The following CAMTA1 variants were observed in gnomAD, a reference collection of about 807,000 sequenced individuals.
CAMTA1 encodes calmodulin binding transcription activator 1, also known as calmodulin-binding transcription activator 1.
CAMTA1 carries 27 observed loss-of-function variants against 170.9 expected under a neutral mutation model. The observed-to-expected ratio is 0.16, with a 90% CI of 0.12 to 0.22. CAMTA1 has a LOEUF of 0.22. Among genes scored for constraint, CAMTA1 ranks in the 10% least tolerant of loss-of-function variants. CAMTA1 has a pLI of 1.00. For synonymous variants in CAMTA1, 833 were observed against 891.5 expected (o/e 0.93, Z 1.17); for missense variants, 1,619 against 2,217.2 (o/e 0.73, Z 5.42).
chr1:7,381,138 T>C (rs1258799992), intron 5 of CAMTA1, among the ~76,000 whole-genome samples: 7 of 145,512 alleles, frequency 4.8e-5, no homozygotes, highest in African/African-American at 1.4e-4. Context: ...TGATTTTTCT[T>C]TTTTTTATTT....
chr1:7,518,352 C>T (rs530311140), intron 6 of CAMTA1, among the ~76,000 whole-genome samples: 49 of 152,020 alleles, frequency 3.2e-4, no homozygotes, highest in Non-Finnish European at 5.9e-4. Context: ...TTCCCTCCAC[C>T]GGCCTCTCCA....
chr1:7,374,031 C>T (rs544557680), intron 5 of CAMTA1, among the ~76,000 whole-genome samples: 3 of 152,330 alleles, frequency 2.0e-5, no homozygotes, highest in Non-Finnish European at 4.4e-5. Flanking sequence ...GTGGCTCCTG[C>T]CCAGGGAGAA....
intron 5 of CAMTA1, among the ~76,000 whole-genome samples, chr1:7,337,596 G>A (rs1314989457): frequency 6.6e-6 from 1 of 150,972 alleles, no homozygotes; most frequent in Admixed American, 6.6e-5. Flanking sequence ...AGTGTGGGCA[G>A]TGGGCCTCAT....
At chr1:7,433,960 C>A (rs1053627239) in intron 5 of CAMTA1, among the ~76,000 whole-genome samples, 4 of 152,156 alleles carry the variant, frequency 2.6e-5, no homozygotes, top group Non-Finnish European at 5.9e-5. Context: ...GGAGGGGGCC[C>A]TGGTGGACGG....
intron 5 of CAMTA1, among the ~76,000 whole-genome samples, chr1:7,284,126 G>GTTCTTGTTCTTCTTC (rs1671910914): frequency 3.7e-5 from 4 of 107,000 alleles, no homozygotes; most frequent in South Asian, 7.2e-4. Context: ...ATTTGCTGCT[G>GTTCTTGTTCTTCTTC]TTCTTCTTCT....
chr1:7,272,692 C>CAAAAAAAA (rs371588178), intron 5 of CAMTA1, among the ~76,000 whole-genome samples: 156 of 38,754 alleles, frequency 4.0e-3, no homozygotes, highest in South Asian at 5.5e-3. Flanking sequence ...TAAACACATG[C>CAAAAAAAA]AAAAAAAAAA....
intron 5 of CAMTA1, among the ~76,000 whole-genome samples, chr1:7,464,492 G>T (rs950166508): frequency 1.3e-5 from 2 of 152,204 alleles, no homozygotes; most frequent in African/African-American, 4.8e-5. Context: ...TAATGACCTT[G>T]TCATATGGCC....
intron 3 of CAMTA1, among the ~76,000 whole-genome samples, chr1:7,087,338 G>A (rs1292253887): frequency 6.6e-6 from 1 of 152,176 alleles, no homozygotes; most frequent in Non-Finnish European, 1.5e-5. Context: ...CACTGAAGTC[G>A]AGGATCTTAT....
chr1:7,498,188 G>A (rs1447765977), intron 6 of CAMTA1, among the ~76,000 whole-genome samples: 1 of 138,312 alleles, frequency 7.2e-6, no homozygotes, highest in Non-Finnish European at 1.5e-5. Flanking sequence ...GTGTATGAGA[G>A]TGAGTGTGTG....
chr1:7,487,631 G>A (rs1035376265), intron 6 of CAMTA1, among the ~76,000 whole-genome samples: 1 of 152,188 alleles, frequency 6.6e-6, no homozygotes, highest in Non-Finnish European at 1.5e-5. Context: ...TGAGGCTGAG[G>A]ATGCGGTGTC....
intron 3 of CAMTA1, among the ~76,000 whole-genome samples, chr1:6,987,372 C>T (rs1695539826): frequency 6.6e-6 from 1 of 152,182 alleles, no homozygotes; most frequent in Non-Finnish European, 1.5e-5. Context: ...ACCATGTTGG[C>T]CAGGCTGGTC....
chr1:7,663,252 G>A (rs1355842590), intron 8 of CAMTA1, 101 bp from the exon 9 acceptor site: 4 of 1,440,368 alleles, frequency 2.8e-6, no homozygotes, highest in African/African-American at 2.8e-5. Context: ...TGTGGGGCAG[G>A]TCCACCACGG....
intron 3 of CAMTA1, among the ~76,000 whole-genome samples, chr1:7,021,541 T>C (rs779310708): frequency 1.3e-5 from 2 of 152,206 alleles, no homozygotes; most frequent in African/African-American, 4.8e-5. Context: ...TTCTTTCTTA[T>C]TCGATTTTTA....
At chr1:7,017,005 C>T (rs1178100054) in intron 3 of CAMTA1, among the ~76,000 whole-genome samples, 1 of 152,202 alleles carries the variant, frequency 6.6e-6, no homozygotes, top group Non-Finnish European at 1.5e-5. Context: ...GTAAGTATTT[C>T]CCTGGCCATG....
At chr1:7,705,987 C>G (rs930236508) in intron 11 of CAMTA1, among the ~76,000 whole-genome samples, 1 of 152,110 alleles carries the variant, frequency 6.6e-6, no homozygotes, top group East Asian at 1.9e-4. Flanking sequence ...TTAGAGGTGG[C>G]GCTGATGGCG....
intron 3 of CAMTA1, among the ~76,000 whole-genome samples, chr1:6,924,550 G>C (rs1433191373): frequency 2.0e-5 from 3 of 152,138 alleles, no homozygotes; most frequent in Non-Finnish European, 2.9e-5. Context: ...ACTGAGTGTC[G>C]ACTCTGCCTT....
intron 6 of CAMTA1, among the ~76,000 whole-genome samples, chr1:7,614,170 G>A (rs550783965): frequency 2.0e-5 from 3 of 151,500 alleles, no homozygotes; most frequent in Admixed American, 1.3e-4. Flanking sequence ...GCAAAGGCCC[G>A]AGGCCTGAAG....
chr1:6,899,554 G>GCGCGCACACACACACA (rs1306510241), intron 3 of CAMTA1, among the ~76,000 whole-genome samples: 3 of 141,086 alleles, frequency 2.1e-5, no homozygotes, highest in Non-Finnish European at 4.7e-5. Context: ...ACGCGCGCGC[G>GCGCGCACACACACACA]CACACACACA....
chr1:7,540,205 ATAAT>A (rs1054834027), intron 6 of CAMTA1, among the ~76,000 whole-genome samples: 2 of 152,100 alleles, frequency 1.3e-5, no homozygotes, highest in African/African-American at 2.4e-5. Flanking sequence ...GACTCAATGA[ATAAT>A]TAATTAAATG....
Sources: gnomAD v4.1 joint callset for allele counts (sites outside exome capture counted in the v4.1 genomes callset) on GRCh38, gnomAD v4.1.1 for gene constraint, MANE v1.5 for transcripts, NCBI Gene and HGNC (gene_info 2026-07-23, HGNC 2026-07-21) for gene names.